The following CTNNA3 variants were observed in gnomAD, a reference collection of about 807,000 sequenced individuals.
CTNNA3 encodes the protein catenin alpha 3.
Under a neutral mutation model 95.7 loss-of-function variants are expected in CTNNA3, and 76 were observed. The ratio of observed to expected loss-of-function variants is 0.79; its 90% CI spans 0.66 to 0.96. The LOEUF (loss-of-function observed/expected upper bound fraction) is 0.96, where lower values mean the gene tolerates loss of function less well. Among genes scored for constraint, CTNNA3 ranks in the 40% least tolerant of loss-of-function variants. The probability of loss-of-function intolerance (pLI) is 0.00; values close to 1 mark genes in which losing one functional copy is unlikely to be tolerated. For synonymous variants in CTNNA3, 431 were observed against 374.4 expected, an observed-to-expected ratio of 1.15 and a Z score of -1.74; for missense variants, 1,191 against 1,089.8, an observed-to-expected ratio of 1.09 and a Z score of -1.31.
intron 17 of CTNNA3, among the ~76,000 whole-genome samples, chr10:65,955,044 G>T (rs1055997861): frequency 6.6e-6 from 1 of 152,074 alleles, no homozygotes; most frequent in Non-Finnish European, 1.5e-5. Context: ...CCATTTGTTT[G>T]TGTCCTCTTT....
chr10:66,127,628 A>T (rs1236232950), intron 13 of CTNNA3, among the ~76,000 whole-genome samples: 1 of 152,214 alleles, frequency 6.6e-6, no homozygotes, highest in East Asian at 1.9e-4. Context: ...GAGGGCTAGG[A>T]AAGGAAAAGG....
intron 1 of CTNNA3, among the ~76,000 whole-genome samples, chr10:67,733,087 T>C (rs1327286891): frequency 6.6e-6 from 1 of 152,176 alleles, no homozygotes. Context: ...AATGTAAATA[T>C]TTTATCTATG....
At chr10:66,133,956 C>G (rs1246393803) in intron 13 of CTNNA3, among the ~76,000 whole-genome samples, 2 of 151,970 alleles carry the variant, frequency 1.3e-5, no homozygotes, top group African/African-American at 4.8e-5. Context: ...TATTTACATC[C>G]TCATTTGGGT....
intron 7 of CTNNA3, among the ~76,000 whole-genome samples, chr10:66,800,322 G>T (rs1348496934): frequency 2.6e-5 from 4 of 151,074 alleles, no homozygotes; most frequent in Admixed American, 2.6e-4. Flanking sequence ...AAGCCTAAGT[G>T]ATTAGAAGAT....
chr10:66,950,745 C>T (rs1223016316), intron 7 of CTNNA3, among the ~76,000 whole-genome samples: 1 of 152,108 alleles, frequency 6.6e-6, no homozygotes, highest in Non-Finnish European at 1.5e-5. Context: ...ATTTATTCAG[C>T]TGCAACTATT....
intron 12 of CTNNA3, among the ~76,000 whole-genome samples, chr10:66,372,449 T>G (rs2092761282): frequency 6.6e-6 from 1 of 152,108 alleles, no homozygotes; most frequent in Non-Finnish European, 1.5e-5. Context: ...TGGAACACCT[T>G]TGCACTGGTG....
chr10:67,757,316 T>C (rs892322032), intron 1 of CTNNA3, among the ~76,000 whole-genome samples: 2 of 152,236 alleles, frequency 1.3e-5, no homozygotes, highest in African/African-American at 2.4e-5. Context: ...TAATTTTACG[T>C]ATCAACTCGA....
intron 5 of CTNNA3, among the ~76,000 whole-genome samples, chr10:67,343,399 T>A (rs1332313944): frequency 6.6e-6 from 1 of 152,220 alleles, no homozygotes; most frequent in African/African-American, 2.4e-5. Flanking sequence ...ATGGAATATC[T>A]TTCCATTTTT....
At chr10:66,736,563 T>G (rs1252848336) in intron 9 of CTNNA3, among the ~76,000 whole-genome samples, 4 of 152,066 alleles carry the variant, frequency 2.6e-5, no homozygotes, top group African/African-American at 7.2e-5. Context: ...CCATCTTACC[T>G]GTTTATTAAT....
chr10:65,924,647 C>G (rs1589133869), intron 17 of CTNNA3, among the ~76,000 whole-genome samples: 1 of 152,264 alleles, frequency 6.6e-6, no homozygotes, highest in East Asian at 1.9e-4. Context: ...ACAAAATTAT[C>G]CATTTCCCTA....
intron 7 of CTNNA3, among the ~76,000 whole-genome samples, chr10:67,015,917 AT>A (rs928178492): frequency 4.0e-5 from 6 of 151,836 alleles, no homozygotes; most frequent in African/African-American, 1.4e-4. Flanking sequence ...AATCAAGTTT[AT>A]TCTATTTGTG....
At chr10:67,564,658 CAT>C (rs1167315190) in intron 3 of CTNNA3, among the ~76,000 whole-genome samples, 28 of 72,296 alleles carry the variant, frequency 3.9e-4, no homozygotes, top group Non-Finnish European at 5.9e-4. Context: ...TATATATATG[CAT>C]ATATGTGTGT....
chr10:66,256,842 A>G (rs2090805340), intron 13 of CTNNA3, among the ~76,000 whole-genome samples: 1 of 152,182 alleles, frequency 6.6e-6, no homozygotes, highest in African/African-American at 2.4e-5. Context: ...TATGCTACTA[A>G]CAGAATGGGG....
At chr10:66,897,046 T>C (rs1845522038) in intron 7 of CTNNA3, among the ~76,000 whole-genome samples, 3 of 152,176 alleles carry the variant, frequency 2.0e-5, no homozygotes. Context: ...CCTACTTTTA[T>C]TGAGTTCTCA....
chr10:67,014,465 A>G (rs1356690885), intron 7 of CTNNA3, among the ~76,000 whole-genome samples: 1 of 152,170 alleles, frequency 6.6e-6, no homozygotes, highest in Non-Finnish European at 1.5e-5. Flanking sequence ...TGTTTGTAAC[A>G]TATGCATTCT....
intron 1 of CTNNA3, among the ~76,000 whole-genome samples, chr10:67,650,152 G>A (rs1219140665): frequency 6.6e-6 from 1 of 152,134 alleles, no homozygotes; most frequent in Non-Finnish European, 1.5e-5. Context: ...TTTGCATTTT[G>A]TAATCTATAA....
chr10:67,204,947 C>T (rs1016880974), intron 6 of CTNNA3, among the ~76,000 whole-genome samples: 5 of 152,084 alleles, frequency 3.3e-5, no homozygotes, highest in African/African-American at 1.2e-4. Flanking sequence ...ATCTTAGGCT[C>T]GCTCTGTAAT....
intron 1 of CTNNA3, among the ~76,000 whole-genome samples, chr10:67,718,808 C>T (rs1841160770): frequency 6.6e-6 from 1 of 152,158 alleles, no homozygotes; most frequent in Non-Finnish European, 1.5e-5. Context: ...CAGGATGATG[C>T]TGGCCTCATA....
At chr10:66,981,607 T>C (rs1357463745) in intron 7 of CTNNA3, among the ~76,000 whole-genome samples, 1 of 152,262 alleles carries the variant, frequency 6.6e-6, no homozygotes, top group African/African-American at 2.4e-5. Context: ...TGTTTTAATA[T>C]GGCATCTGTG....
Sources: allele counts gnomAD v4.1 joint callset (sites outside exome capture counted in the v4.1 genomes callset), GRCh38; gene constraint gnomAD v4.1.1; transcripts MANE v1.5; gene names NCBI Gene and HGNC (gene_info 2026-07-23, HGNC 2026-07-21).